The following ODAD2 variants were observed in gnomAD, a reference collection of about 807,000 sequenced individuals.
ODAD2 encodes outer dynein arm-docking complex subunit 2.
Under a neutral mutation model 106.8 loss-of-function variants are expected in ODAD2, and 89 were observed. The observed-to-expected ratio is 0.83, with a 90% confidence interval of 0.70 to 0.99. The LOEUF is 0.99. ODAD2 is among the 50% of genes least tolerant of loss of function. The pLI is 0.00. For missense variants in ODAD2, 1,168 were observed against 1,238.5 expected (o/e 0.94, Z 0.85); for synonymous variants, 404 against 436.2 (o/e 0.93, Z 0.92).
intron 1 of ODAD2, chr10:27,997,498 T>C (rs1850625659): frequency 6.6e-6 from 1 of 152,240 alleles, no homozygotes; most frequent in Admixed American, 6.5e-5. Context: ...TACCATATAG[T>C]AACTTCTTGA....
chr10:27,831,776 C>CTGTAGT (rs1384585775), intron 19 of ODAD2, among the ~76,000 whole-genome samples: 1 of 152,252 alleles, frequency 6.6e-6, no homozygotes, highest in Admixed American at 6.5e-5. Context: ...TGCTCATACT[C>CTGTAGT]TGTAGTCCCA....
intron 19 of ODAD2, among the ~76,000 whole-genome samples, chr10:27,814,286 T>C (rs1835958374): frequency 6.6e-6 from 1 of 152,152 alleles, no homozygotes; most frequent in Non-Finnish European, 1.5e-5. Context: ...AGCATGAACT[T>C]CTGTGGCTCC....
intron 17 of ODAD2, among the ~76,000 whole-genome samples, chr10:27,877,928 T>C (rs1821328891): frequency 1.3e-5 from 2 of 152,226 alleles, no homozygotes; most frequent in Admixed American, 6.5e-5. Context: ...ACACAAAGGC[T>C]TGAGGTTCAT....
At chr10:27,831,674 A>G (rs1445212259) in intron 19 of ODAD2, among the ~76,000 whole-genome samples, 1 of 152,188 alleles carries the variant, frequency 6.6e-6, no homozygotes, top group Non-Finnish European at 1.5e-5. Flanking sequence ...GTACGTGCCC[A>G]CACAGAGGCA....
intron 19 of ODAD2, among the ~76,000 whole-genome samples, chr10:27,829,959 C>G (rs895899289): frequency 1.8e-4 from 28 of 152,034 alleles, no homozygotes; most frequent in African/African-American, 6.8e-4. Flanking sequence ...AGCAGTGGAA[C>G]CCATTTCTTT....
intron 19 of ODAD2, among the ~76,000 whole-genome samples, chr10:27,840,226 G>A (rs571691269): frequency 2.2e-4 from 34 of 151,974 alleles, no homozygotes; most frequent in East Asian, 9.7e-4. Context: ...ACATATTTAC[G>A]TACATCTTTA....
intron 2 of ODAD2, 117 bp downstream of exon 2, chr10:27,994,802 G>T: frequency 8.9e-7 from 1 of 1,118,352 alleles, no homozygotes; most frequent in Non-Finnish European, 1.3e-6. Flanking sequence ...TCATTCCCTG[G>T]TTTAGAGGGC....
Position 27,954,342 on chromosome 10 carries a change from C to T in ODAD2, c.1386+7226G>A, listed in dbSNP as rs11006783. Among the ~76,000 whole-genome samples, 1,338 of 152,254 alleles carry T rather than the reference C, an allele frequency of 8.8e-3. 11 individuals are homozygous for T. The highest frequency in any genetic ancestry group is 0.011 in the Non-Finnish European group (737 of 68,002). ...TAAGTGTTGTTGCAAATACATGGGGCAAGAAATTCCCCGAAAAGATCTACT... is the reference window on the plus strand; with the variant it reads ...TAAGTGTTGTTGCAAATACATGGGGTAAGAAATTCCCCGAAAAGATCTACT... On this transcript the variant is annotated intron_variant, in intron 10 of 19. Coordinates refer to ENST00000305242, the MANE Select transcript of ODAD2 (RefSeq NM_018076.5).
intron 10 of ODAD2, 111 bp from the exon 11 acceptor site, chr10:27,945,073 A>G: frequency 7.9e-7 from 1 of 1,263,866 alleles, no homozygotes; most frequent in Non-Finnish European, 1.1e-6. Flanking sequence ...GTGGGCTAGA[A>G]TTTGTTAAAT....
intron 7 of ODAD2, among the ~76,000 whole-genome samples, chr10:27,976,991 CA>C (rs1849231691): frequency 6.6e-6 from 1 of 151,760 alleles, no homozygotes; most frequent in African/African-American, 2.4e-5. Flanking sequence ...AGTGAAAAAA[CA>C]ATAGATTTAC....
intron 17 of ODAD2, among the ~76,000 whole-genome samples, chr10:27,885,656 A>AAAATATATAAAATATATATTAT (rs1554800209): frequency 4.7e-5 from 1 of 21,292 alleles, no homozygotes; most frequent in African/African-American, 1.1e-4. Flanking sequence ...TATTATATAT[A>AAAATATATAAAATATATATTAT]ATATATTATA....
At chr10:27,817,664 A>T (rs1265845722) in intron 19 of ODAD2, among the ~76,000 whole-genome samples, 2 of 152,090 alleles carry the variant, frequency 1.3e-5, no homozygotes, top group African/African-American at 2.4e-5. Context: ...AAAAGACATG[A>T]TTCATTCTTT....
intron 17 of ODAD2, among the ~76,000 whole-genome samples, chr10:27,898,270 T>A (rs1026559398): frequency 6.6e-6 from 1 of 152,158 alleles, no homozygotes; most frequent in Admixed American, 6.6e-5. Context: ...GCCATATTCA[T>A]CTTAGTATTC....
At chr10:27,905,236 T>C (rs1163872213) in intron 17 of ODAD2, 2 of 154,702 alleles carry the variant, frequency 1.3e-5, no homozygotes, top group African/African-American at 2.4e-5. Flanking sequence ...AAAAGAAATG[T>C]ATGATAAATT....
At chr10:27,947,267 C>G (rs1373599117) in intron 10 of ODAD2, among the ~76,000 whole-genome samples, 1 of 152,094 alleles carries the variant, frequency 6.6e-6, no homozygotes, top group Non-Finnish European at 1.5e-5. Flanking sequence ...TCCATTTCCT[C>G]TTTTAAAAAA....
At chr10:27,846,484 A>AT (rs1838766400) in intron 19 of ODAD2, among the ~76,000 whole-genome samples, 1 of 151,832 alleles carries the variant, frequency 6.6e-6, no homozygotes, top group Admixed American at 6.5e-5. Context: ...AAGATCTAAA[A>AT]TTGACACCCT....
In ODAD2 at chr10:27,821,664, A is replaced by G. The variant is rs375241498; in HGVS notation, c.3022-9039T>C. On this transcript the variant is annotated intron_variant, in intron 19 of 19. Coordinates refer to ENST00000305242, the MANE Select transcript of ODAD2 (RefSeq NM_018076.5). Reference sequence around the variant, plus strand: ...ACGGAGCAAGGTGAGGGCAGTTTCTAATCTCTTTGTCATAATTACATAAAA... The same window carrying G: ...ACGGAGCAAGGTGAGGGCAGTTTCTGATCTCTTTGTCATAATTACATAAAA... 9.8e-5 allele frequency among the ~76,000 whole-genome samples: 15 copies of G among 152,320 alleles called. 1 individual carries two copies. Among genetic ancestry groups the G allele is most frequent in the African/African-American group, 3.4e-4 (14 of 41,562 alleles).
chr10:27,864,544 G>A (rs1302742355), intron 17 of ODAD2, among the ~76,000 whole-genome samples: 4 of 150,574 alleles, frequency 2.7e-5, no homozygotes, highest in African/African-American at 4.9e-5. Flanking sequence ...AGGTGAGAGC[G>A]GGGAGTGAGG....
Position 27,971,197 on chromosome 10 carries a change from C to T in ODAD2, c.1053G>A (p.Leu351=), listed in dbSNP as rs1291747312. The T allele has an allele frequency of 3.7e-6, 6 of 1,613,896 alleles. No individual in the cohort carries two copies. The highest frequency in any genetic ancestry group is 5.1e-6 in the Non-Finnish European group (6 of 1,179,886). The change falls in exon 8 of 20, where the codon CTG becomes CTA. Residue 351 remains leucine, a synonymous_variant. Transcript: ENST00000305242. ...KDISGSDKRS[L]EKNQINFWRN... ...TCCAAAAATTAATTTGGTTCTTCTCCAGTGACCTTTTGTCTGAACCAGAAA... is the reference window on the plus strand; with the variant it reads ...TCCAAAAATTAATTTGGTTCTTCTCTAGTGACCTTTTGTCTGAACCAGAAA...
Sources: gnomAD v4.1 joint callset for allele counts (sites outside exome capture counted in the v4.1 genomes callset) on GRCh38, gnomAD v4.1.1 for gene constraint, MANE v1.5 for transcripts, NCBI Gene and HGNC (gene_info 2026-07-23, HGNC 2026-07-21) for gene names.